RBPJ: variants seen among roughly 807,000 people sequenced by gnomAD.
RBPJ encodes recombining binding protein suppressor of hairless.
A neutral mutation model predicts 67.8 loss-of-function variants in RBPJ; 9 were observed. The ratio of observed to expected loss-of-function variants is 0.13; its 90% CI spans 0.08 to 0.23. The LOEUF (loss-of-function observed/expected upper bound fraction) is 0.23. Among genes scored for constraint, RBPJ ranks in the 10% least tolerant of loss-of-function variants. The pLI, the probability that RBPJ is intolerant of heterozygous loss-of-function variation, is 1.00. For missense variants in RBPJ, 305 were observed against 595.6 expected, an observed-to-expected ratio of 0.51 and a Z score of 5.08; for synonymous variants, 198 against 203.3, an observed-to-expected ratio of 0.97 and a Z score of 0.22.
At chr4:26,124,461 T>C in the RBPJ span, among the ~76,000 whole-genome samples, 162 of 121,318 alleles carry the variant, frequency 1.3e-3, 3 homozygotes, top group East Asian at 0.021. Flanking sequence ...TATATATATA[T>C]ACCAGTTTCT....
intron 1 of RBPJ, among the ~76,000 whole-genome samples, chr4:26,293,300 C>T (rs1721735297): frequency 6.7e-6 from 1 of 150,218 alleles, no homozygotes; most frequent in African/African-American, 2.5e-5. Context: ...AAGGTGGTGC[C>T]CTCAGCTTCC....
intron 3 of RBPJ, among the ~76,000 whole-genome samples, chr4:26,406,633 G>T (rs1265309685): frequency 6.6e-6 from 1 of 152,240 alleles, no homozygotes; most frequent in Non-Finnish European, 1.5e-5. Context: ...TTACTGCTGT[G>T]TCCTGCATCC....
intron 1 of RBPJ, among the ~76,000 whole-genome samples, chr4:26,260,583 G>C (rs1049213015): frequency 6.6e-6 from 1 of 152,124 alleles, no homozygotes; most frequent in Non-Finnish European, 1.5e-5. Context: ...CTTTCAAAAT[G>C]GCCAGACAAC....
Position 26,386,340 on chromosome 4 carries a change from T to A in RBPJ, c.21-13T>A. Reference sequence around the variant, plus strand: ...CTTACTTAACTTTATTTTCTTTATTTTTTTTTTTCCAGGAAATTTGGTGAG... The same window carrying A: ...CTTACTTAACTTTATTTTCTTTATTATTTTTTTTCCAGGAAATTTGGTGAG... On this transcript the variant is annotated splice_polypyrimidine_tract_variant and intron_variant, in intron 1 of 10. Coordinates refer to ENST00000355476, the MANE Select transcript of RBPJ (RefSeq NM_015874.6). 1 of 1,586,972 alleles carries A rather than the reference T, an allele frequency of 6.3e-7. No individual in the cohort carries two copies. The highest frequency in any genetic ancestry group is 2.2e-5 in the East Asian group (1 of 44,638).
At chr4:26,218,560 T>C (rs555759298) in intron 1 of RBPJ, among the ~76,000 whole-genome samples, 2 of 152,300 alleles carry the variant, frequency 1.3e-5, no homozygotes, top group East Asian at 3.9e-4. Flanking sequence ...TCCTAGTTGG[T>C]CCTCTTGCCA....
chr4:26,351,240 T>C (rs1289111023), intron 1 of RBPJ, among the ~76,000 whole-genome samples: 1 of 152,144 alleles, frequency 6.6e-6, no homozygotes, highest in African/African-American at 2.4e-5. Context: ...CTCTGACACT[T>C]GAGGAACATA....
intron 1 of RBPJ, among the ~76,000 whole-genome samples, chr4:26,304,944 C>G (rs1560253403): frequency 6.6e-6 from 1 of 152,058 alleles, no homozygotes; most frequent in African/African-American, 2.4e-5. Flanking sequence ...AGATTTACCC[C>G]TATACTGTCT....
intron 1 of RBPJ, among the ~76,000 whole-genome samples, chr4:26,239,692 T>C (rs1719568994): frequency 7.9e-6 from 1 of 126,846 alleles, no homozygotes; most frequent in Non-Finnish European, 1.6e-5. Context: ...GGAAGGAAAG[T>C]AACAGAGAAG....
At chr4:26,109,462 A>C in the RBPJ span, among the ~76,000 whole-genome samples, 916 of 20,220 alleles carry the variant, frequency 0.045, 43 homozygotes, top group African/African-American at 0.07. Context: ...CTCTCTCTCT[A>C]TATATATATA....
At chr4:26,292,513 C>T (rs1156302714) in intron 1 of RBPJ, among the ~76,000 whole-genome samples, 2 of 150,234 alleles carry the variant, frequency 1.3e-5, no homozygotes, top group Admixed American at 6.6e-5. Flanking sequence ...CTCTGCCTCC[C>T]GGGTTCAAGC....
At chr4:26,188,284 C>A (rs1476863095) in intron 1 of RBPJ, among the ~76,000 whole-genome samples, 1 of 152,138 alleles carries the variant, frequency 6.6e-6, no homozygotes. Context: ...CACTGACAAA[C>A]AATTCTTTGA....
intron 1 of RBPJ, among the ~76,000 whole-genome samples, chr4:26,348,201 T>C (rs1560283878): frequency 6.6e-6 from 1 of 152,184 alleles, no homozygotes; most frequent in Non-Finnish European, 1.5e-5. Context: ...CCTCAGATGA[T>C]TGACCTGCCT....
At chr4:26,263,493 TGTTATTTTCCA>T (rs1720609474) in intron 1 of RBPJ, among the ~76,000 whole-genome samples, 1 of 152,220 alleles carries the variant, frequency 6.6e-6, no homozygotes, top group African/African-American at 2.4e-5. Flanking sequence ...TTGCTACAAT[TGTTATTTTCCA>T]GTTATTTGTG....
At chr4:26,419,112 G>A (rs1734876157) in intron 4 of RBPJ, among the ~76,000 whole-genome samples, 1 of 152,146 alleles carries the variant, frequency 6.6e-6, no homozygotes, top group African/African-American at 2.4e-5. Context: ...CTGAGTAGCT[G>A]GGACTACAGG....
chr4:26,352,749 C>T (rs563443446), intron 1 of RBPJ, among the ~76,000 whole-genome samples: 106 of 152,276 alleles, frequency 7.0e-4, no homozygotes, highest in African/African-American at 2.4e-3. Context: ...AAAATCTATC[C>T]GTGGCGTTCT....
intron 2 of RBPJ, among the ~76,000 whole-genome samples, chr4:26,401,887 C>CTTTTTT (rs58935903): frequency 3.1e-5 from 4 of 129,710 alleles, no homozygotes; most frequent in African/African-American, 5.7e-5. Context: ...TTCTTTCTTT[C>CTTTTTT]TTTTTTTTTT....
intron 1 of RBPJ, among the ~76,000 whole-genome samples, chr4:26,382,159 G>T (rs1730395351): frequency 6.6e-6 from 1 of 152,128 alleles, no homozygotes; most frequent in South Asian, 2.1e-4. Flanking sequence ...GATTATGTCA[G>T]TAGACACCTT....
At chr4:26,275,379 G>C (rs1721044513) in intron 1 of RBPJ, among the ~76,000 whole-genome samples, 1 of 152,254 alleles carries the variant, frequency 6.6e-6, no homozygotes, top group African/African-American at 2.4e-5. Flanking sequence ...TGTTTTCCTA[G>C]GAAGATAATG....
chr4:26,146,837 T>G, the RBPJ span, among the ~76,000 whole-genome samples: 50,145 of 152,040 alleles, frequency 0.33, 9,404 homozygotes, highest in East Asian at 0.52. Flanking sequence ...CAATCTGAGC[T>G]CTGAATGAAA....
Sources: allele counts gnomAD v4.1 joint callset (sites outside exome capture counted in the v4.1 genomes callset), GRCh38; gene constraint gnomAD v4.1.1; transcripts MANE v1.5; gene names NCBI Gene and HGNC (gene_info 2026-07-23, HGNC 2026-07-21).